NLRX1: variants seen among roughly 807,000 people sequenced by gnomAD.
The protein encoded by NLRX1 is NOD-like receptor X1.
NLRX1 carries 67 observed loss-of-function variants against 74.2 expected under a neutral mutation model. The observed-to-expected ratio is 0.90, with a 90% confidence interval of 0.74 to 1.11. NLRX1 has a LOEUF of 1.11. Ranked by LOEUF, NLRX1 falls within the 50% of genes least tolerant of loss-of-function variation. The pLI is 0.00. For synonymous variants in NLRX1, 506 were observed against 559.1 expected, an observed-to-expected ratio of 0.91 and a Z score of 1.34; for missense variants, 1,191 against 1,305.4, an observed-to-expected ratio of 0.91 and a Z score of 1.35.
chr11:119,171,243 T>C (rs1289247010), intron 1 of NLRX1, 113 bp from the exon 2 acceptor site: 5 of 638,420 alleles, frequency 7.8e-6, no homozygotes, highest in Non-Finnish European at 1.3e-5. Flanking sequence ...GGGCCAACAT[T>C]TGAGGAAGGG....
Position 119,181,204 on chromosome 11 carries a change from C to T in NLRX1, c.2301C>T (p.Cys767=), listed in dbSNP as rs1183275897. Residue 767 remains cysteine (C), a synonymous_variant, in exon 8 of 10, where the codon TGC becomes TGT. Transcript: ENST00000409109. ...LQLNSLGPEA[C]KDLRDLLLHD... The stretch of plus-strand genomic sequence containing the variant: ...TCAACAGCCTGGGCCCTGAGGCCTG[C>T]AAGGACCTCCGAGACCTGTTGCTGC... The T allele has an allele frequency of 1.2e-6, 2 of 1,613,934 alleles. No individual in the cohort carries two copies. The highest frequency in any genetic ancestry group is 8.5e-7 in the Non-Finnish European group (1 of 1,179,964).
Position 119,174,483 on chromosome 11 carries a change from G to T in NLRX1, c.880G>T (p.Ala294Ser), listed in dbSNP as rs1249674130. The T allele has an allele frequency of 6.2e-7, 1 of 1,614,124 alleles. No homozygotes were observed. Among genetic ancestry groups the T allele is most frequent in the African/African-American group, 1.3e-5 (1 of 75,058 alleles). Residue 294 changes from alanine to serine, a missense_variant, in exon 6 of 10, where the codon GCC becomes TCC. Transcript: ENST00000409109. ...ASILVTTRPSAIGRIPSKYVG... is the reference protein window; with the variant it reads ...ASILVTTRPSSIGRIPSKYVG... ...CATTCTGGTGACCACTCGGCCCTCT[G>T]CCATTGGCCGTATCCCCAGCAAGTA... is the stretch of plus-strand genomic sequence containing the variant.
rs141429802 is a variant in NLRX1, at chr11:119,174,699, G to A, written c.1096G>A (p.Ala366Thr). The change falls in exon 6 of 10, where the codon GCT becomes ACT. Residue 366 changes from alanine (A) to threonine (T), a missense_variant. Ala to Thr is a moderately conservative substitution (Grantham distance 58). Coordinates refer to ENST00000409109, the MANE Select transcript of NLRX1 (RefSeq NM_001282144.2). Reference sequence around the variant, plus strand: ...CCTGGAGGGGCACCACCAGATAGCCGCTGCCTGCTTCCTGCCGTCCTATTG... The same window carrying A: ...CCTGGAGGGGCACCACCAGATAGCCACTGCCTGCTTCCTGCCGTCCTATTG... ...RNLEGHHQIA[A>T]ACFLPSYCWL... is the part of the protein sequence containing the mutation. The A allele has an allele frequency of 1.3e-4, 207 of 1,613,810 alleles. 1 individual carries two copies. In the African/African-American group the frequency reaches 2.2e-3, roughly 17 times the overall value.
At position 119,182,117 on chromosome 11, in the gene NLRX1, C is replaced by T; in HGVS notation, c.2378C>T (p.Ala793Val). 2.5e-6 allele frequency: 4 copies of T among 1,613,852 alleles called. No homozygotes were observed. Among genetic ancestry groups the T allele is most frequent in the Non-Finnish European group, 3.4e-6 (4 of 1,179,916 alleles). ...AGGCTGTCCAACAACCCGCTGACGG[C>T]GGCAGGTGTTGCCGTGCTAATGGAG... ...TLRLSNNPLTAAGVAVLMEGL... is the reference protein window; with the variant it reads ...TLRLSNNPLTVAGVAVLMEGL... The change falls in exon 9 of 10, where the codon GCG becomes GTG. Residue 793 changes from alanine to valine, a missense_variant. Coordinates refer to ENST00000409109, the MANE Select transcript of NLRX1 (RefSeq NM_001282144.2).
chr11:119,181,530 G>A (rs1948837546), intron 8 of NLRX1, among the ~76,000 whole-genome samples: 1 of 152,166 alleles, frequency 6.6e-6, no homozygotes, highest in African/African-American at 2.4e-5. Context: ...ACCTAGGCCG[G>A]TTGCCTGGTA....
At chr11:119,172,330 A>T in intron 2 of NLRX1, 26 bp from the exon 3 acceptor site, 1 of 1,580,056 alleles carries the variant, frequency 6.3e-7, no homozygotes, top group African/African-American at 1.3e-5. Flanking sequence ...GGATCTGCAG[A>T]TGCTATTTCT....
rs1386868325 is a variant in NLRX1 at position 119,180,046 on chromosome 11, C to G, written c.2025C>G (p.Leu675=). The change falls in exon 7 of 10, where the codon CTC becomes CTG. Residue 675 remains leucine, a synonymous_variant. Coordinates refer to ENST00000409109, the MANE Select transcript of NLRX1 (RefSeq NM_001282144.2). The part of the protein sequence containing the change: ...LGRQVLPPSE[L]LDHLFFHYEF... ...GGCAGGTGCTGCCCCCATCAGAGCTCCTTGACCACCTCTTCTTCCACTATG... is the reference window on the plus strand; with the variant it reads ...GGCAGGTGCTGCCCCCATCAGAGCTGCTTGACCACCTCTTCTTCCACTATG... The G allele has an allele frequency of 1.9e-6, 3 of 1,613,638 alleles. No individual in the cohort carries two copies. The South Asian group carries it at 3.3e-5, about 18-fold the overall frequency.
chr11:119,180,197 G>A lies in NLRX1; in HGVS notation c.2176G>A (p.Ala726Thr), dbSNP rs45450295. ...AGCTGTGCTGGGCAGCGGAAGGCAT[G>A]CCCTGGATGAGGTGAACTTGGCCTC... ...VAAVLGSGRH[A>T]LDEVNLASCQ... is the part of the protein sequence containing the mutation. The change falls in exon 7 of 10, where the codon GCC becomes ACC. Residue 726 changes from alanine to threonine, a missense_variant. By Grantham distance (58) the Ala-to-Thr change is moderately conservative (BLOSUM62 0). Coordinates refer to ENST00000409109, the MANE Select transcript of NLRX1 (RefSeq NM_001282144.2). 7,867 of 1,612,398 alleles carry A rather than the reference G, an allele frequency of 4.9e-3. 58 individuals carry two copies. Among genetic ancestry groups the A allele is most frequent in the African/African-American group, 0.033 (2,482 of 75,050 alleles).
In NLRX1 at chr11:119,174,788, A is replaced by G; in HGVS notation, c.1185A>G (p.Thr395=). ...CCACGCCTGCTGGGCAGACCCTTAC[A>G]AGCATCTATACCAGCTTCCTGCGCC... ...HAPTPAGQTL[T]SIYTSFLRLN... Residue 395 remains threonine (T), a synonymous_variant, in exon 6 of 10, where the codon ACA becomes ACG. Transcript: ENST00000409109. The G allele has an allele frequency of 6.2e-7, 1 of 1,613,812 alleles. No homozygotes were observed. The highest frequency in any genetic ancestry group is 8.5e-7 in the Non-Finnish European group (1 of 1,180,034).
Position 119,174,696 on chromosome 11 carries a change from G to A in NLRX1, c.1093G>A (p.Ala365Thr). The change falls in exon 6 of 10, where the codon GCC (alanine) becomes ACC (threonine). Residue 365 changes from alanine (A) to threonine (T), a missense_variant. Ala to Thr is a moderately conservative substitution (Grantham distance 58). Transcript: ENST00000409109. Reference sequence around the variant, plus strand: ...GAACCTGGAGGGGCACCACCAGATAGCCGCTGCCTGCTTCCTGCCGTCCTA... The same window carrying A: ...GAACCTGGAGGGGCACCACCAGATAACCGCTGCCTGCTTCCTGCCGTCCTA... ...SRNLEGHHQIAAACFLPSYCW... is the reference protein window; with the variant it reads ...SRNLEGHHQITAACFLPSYCW... 1 of 1,613,994 alleles carries A rather than the reference G, an allele frequency of 6.2e-7. No homozygotes were observed. The highest frequency in any genetic ancestry group is 8.5e-7 in the Non-Finnish European group (1 of 1,180,048).
intron 2 of NLRX1, among the ~76,000 whole-genome samples, chr11:119,171,795 CA>C (rs199857715): frequency 0.011 from 1,562 of 145,814 alleles, 25 homozygotes; most frequent in African/African-American, 0.036. Context: ...ATTAAAACTA[CA>C]AAAAAAAAAA....
In NLRX1 at chr11:119,183,421, G is replaced by A; in HGVS notation, c.2910G>A (p.Leu970=). The A allele has an allele frequency of 6.2e-7, 1 of 1,612,412 alleles. No individual in the cohort carries two copies. Among genetic ancestry groups the A allele is most frequent in the South Asian group, 1.1e-5 (1 of 91,070 alleles). ...AGGTCAGGGCCCTCCTGGAGCAGCT[G>A]GGAAGCTCTGGAAGCTGAGACACTG... ...EGEVRALLEQ[L]GSSGS Residue 970 remains leucine, a synonymous_variant, in exon 10 of 10, where the codon CTG becomes CTA. Transcript: ENST00000409109. The surrounding 1 kb of genome is among the most constrained non-coding windows in gnomAD (Gnocchi z 5.7).
Position 119,173,624 on chromosome 11 carries a change from C to G in NLRX1, c.375C>G (p.Arg125=), listed in dbSNP as rs1380022829. 4 of 1,614,006 alleles carry G rather than the reference C, an allele frequency of 2.5e-6. No individual in the cohort carries two copies. In the African/African-American group the frequency reaches 5.3e-5, roughly 22 times the overall value. ...IRESTPDELL[R]PPAELALEHQ... is the part of the protein sequence containing the mutation. ...AGAGTACCCCTGATGAGCTACTTCG[C>G]CCACCCGCGGAGCTGGCCCTGGAGC... The change falls in exon 5 of 10, where the codon CGC becomes CGG. Residue 125 remains arginine (R), a synonymous_variant. Coordinates refer to ENST00000409109, the MANE Select transcript of NLRX1 (RefSeq NM_001282144.2). The surrounding 1 kb of genome is among the most constrained non-coding windows in gnomAD (Gnocchi z 4.0).
intron 8 of NLRX1, 105 bp from the exon 9 acceptor site, chr11:119,181,989 C>T: frequency 7.1e-7 from 1 of 1,408,328 alleles, no homozygotes; most frequent in Non-Finnish European, 9.8e-7. Context: ...CAAGTCCTGA[C>T]ACCCAGCACA....
In NLRX1 at chr11:119,174,370, TC is replaced by T. The variant is rs1948636413; in HGVS notation, c.850-81del. The stretch of plus-strand genomic sequence containing the variant: ...CATCAATGTCTTCATCCTTGGACAC[TC>T]CGTCTTCAGGGGTCCCCTGGGAATA... On this transcript the variant is annotated intron_variant, in intron 5 of 9. Coordinates refer to ENST00000409109, the MANE Select transcript of NLRX1 (RefSeq NM_001282144.2). 216 of 1,387,004 alleles carry T rather than the reference TC, an allele frequency of 1.6e-4. 3 individuals are homozygous for T. In the South Asian group the frequency reaches 2.7e-3, roughly 17 times the overall value. 85.9% of individuals were successfully genotyped at this position (1,387,004 alleles called of 1,614,324 possible).
chr11:119,180,011 A>G lies in NLRX1; in HGVS notation c.1990A>G (p.Lys664Glu). The change falls in exon 7 of 10, where the codon AAG becomes GAG. Residue 664 changes from lysine to glutamate, a missense_variant. Transcript: ENST00000409109. ...NAQAIKKKLG[K>E]LGRQVLPPSE... is the part of the protein sequence containing the mutation. The stretch of plus-strand genomic sequence containing the variant: ...CCAGGCCATCAAGAAGAAGCTGGGC[A>G]AGCTGGGCCGGCAGGTGCTGCCCCC... The G allele has an allele frequency of 6.2e-7, 1 of 1,613,732 alleles. No individual in the cohort carries two copies. Among genetic ancestry groups the G allele is most frequent in the Non-Finnish European group, 8.5e-7 (1 of 1,180,012 alleles).
At position 119,182,333 on chromosome 11, in the gene NLRX1, T is replaced by C; in HGVS notation, c.2594T>C (p.Leu865Pro). ...AGAGCTGCCCGGGAGCACCCTTCCC[T>C]GGAACTGCTACAGTGAGTCCTGTCC... ...LARAAREHPS[L>P]ELLHLYFNEL... The change falls in exon 9 of 10, where the codon CTG (leucine) becomes CCG (proline). Residue 865 changes from leucine (L) to proline (P), a missense_variant. Transcript: ENST00000409109. The C allele has an allele frequency of 6.2e-7, 1 of 1,612,348 alleles. No homozygotes were observed. The highest frequency in any genetic ancestry group is 1.3e-5 in the African/African-American group (1 of 75,042).
Position 119,168,834 on chromosome 11 carries a change from T to C in NLRX1, c.-517T>C, listed in dbSNP as rs1363870234. The C allele has an allele frequency of 6.6e-6, 1 of 152,238 alleles. No individual in the cohort carries two copies. The highest frequency in any genetic ancestry group is 1.5e-5 in the Non-Finnish European group (1 of 68,072). 9.4% of individuals were successfully genotyped at this position (152,238 alleles called of 1,614,324 possible). On this transcript the variant is annotated 5_prime_UTR_variant, in exon 1 of 10. Transcript: ENST00000409109. Reference sequence around the variant, plus strand: ...CACCGGGCCCCTCTCGCTGACCCCCTCGTCCCAGGACCCCGCAGGCCCGAG... The same window carrying C: ...CACCGGGCCCCTCTCGCTGACCCCCCCGTCCCAGGACCCCGCAGGCCCGAG...
At chr11:119,176,007 T>G (rs1048323300) in intron 6 of NLRX1, among the ~76,000 whole-genome samples, 9 of 152,130 alleles carry the variant, frequency 5.9e-5, no homozygotes, top group African/African-American at 1.9e-4. Context: ...CTCAGAGAGG[T>G]AAAGTAACTT....
Sources: gnomAD v4.1 joint callset for allele counts (sites outside exome capture counted in the v4.1 genomes callset) on GRCh38, gnomAD v4.1.1 for gene constraint, Gnocchi (gnomAD v3.1) non-coding constraint, MANE v1.5 for transcripts, NCBI Gene and HGNC (gene_info 2026-07-23, HGNC 2026-07-21) for gene names.